Variants in UBE2O observed in about 807,000 individuals in gnomAD.
UBE2O encodes (E3-independent) E2 ubiquitin-conjugating enzyme.
Under a neutral mutation model 125.8 loss-of-function variants are expected in UBE2O, and 15 were observed. The ratio of observed to expected loss-of-function variants is 0.12; its 90% CI spans 0.08 to 0.18. UBE2O has a LOEUF of 0.18. Among genes scored for constraint, UBE2O ranks in the 10% least tolerant of loss-of-function variants. UBE2O has a pLI of 1.00. For synonymous variants in UBE2O, 708 were observed against 703.2 expected, an observed-to-expected ratio of 1.01 and a Z score of -0.11; for missense variants, 1,280 against 1,723.6, an observed-to-expected ratio of 0.74 and a Z score of 4.56.
At chr17:76,422,948 A>G (rs905997755) in intron 1 of UBE2O, among the ~76,000 whole-genome samples, 3 of 152,242 alleles carry the variant, frequency 2.0e-5, no homozygotes, top group Non-Finnish European at 4.4e-5. Flanking sequence ...ATTGGGAACA[A>G]GTGTCAAGAA....
At chr17:76,441,654 C>T (rs865845508) in intron 1 of UBE2O, among the ~76,000 whole-genome samples, 15 of 152,186 alleles carry the variant, frequency 9.9e-5, no homozygotes, top group South Asian at 6.2e-4. Flanking sequence ...TTGTTAGACA[C>T]GCAGATTCTT....
Position 76,400,076 on chromosome 17 carries a change from C to A in UBE2O, c.1155+71G>T. On this transcript the variant is annotated intron_variant, in intron 8 of 17. Transcript: ENST00000319380. The surrounding 1 kb of genome is among the most constrained non-coding windows in gnomAD (Gnocchi z 4.3). ...CCCAAGGCCTAAAGCACAGACTGTC[C>A]TTCTTGGCCATGGAAATGGCTCAAG... is the stretch of plus-strand genomic sequence containing the variant. 5 of 1,568,844 alleles carry A rather than the reference C, an allele frequency of 3.2e-6. 1 individual carries two copies. The South Asian group carries it at 4.8e-5, about 15-fold the overall frequency.
chr17:76,421,706 G>C (rs1303034741), intron 1 of UBE2O, among the ~76,000 whole-genome samples: 5 of 152,174 alleles, frequency 3.3e-5, no homozygotes, highest in Admixed American at 3.3e-4. Context: ...GGAGTAATTA[G>C]CACCATTTGA....
chr17:76,397,928 A>G (rs536909261), intron 12 of UBE2O, 40 bp from the exon 13 acceptor site: 3 of 1,602,874 alleles, frequency 1.9e-6, no homozygotes, highest in African/African-American at 1.3e-5. Flanking sequence ...GCCCAGCTCA[A>G]GCTCCAGCTC....
chr17:76,415,421 T>C (rs941522628), intron 1 of UBE2O, among the ~76,000 whole-genome samples: 1 of 152,176 alleles, frequency 6.6e-6, no homozygotes, highest in African/African-American at 2.4e-5. Context: ...AGCCTTTGTT[T>C]TGCTCACCTG....
intron 1 of UBE2O, among the ~76,000 whole-genome samples, chr17:76,407,960 G>C (rs1274606833): frequency 1.3e-5 from 2 of 152,222 alleles, no homozygotes; most frequent in Non-Finnish European, 2.9e-5. Context: ...CTGGGGGATG[G>C]TAACATGGTG....
chr17:76,415,799 GT>G (rs2072592261), intron 1 of UBE2O, among the ~76,000 whole-genome samples: 1 of 149,594 alleles, frequency 6.7e-6, no homozygotes, highest in Non-Finnish European at 1.5e-5. Context: ...GCAAGACTGT[GT>G]GTGTGTGTGT....
chr17:76,435,415 CAT>C (rs1190603804), intron 1 of UBE2O, among the ~76,000 whole-genome samples: 682 of 36,384 alleles, frequency 0.019, 2 homozygotes, highest in African/African-American at 0.025. Flanking sequence ...CACACACACA[CAT>C]ACACACACAC....
chr17:76,402,243 C>T lies in UBE2O; in HGVS notation c.687-116G>A. On this transcript the variant is annotated intron_variant, in intron 4 of 17. Coordinates refer to ENST00000319380, the MANE Select transcript of UBE2O (RefSeq NM_022066.4). The surrounding 1 kb of genome is among the most constrained non-coding windows in gnomAD (Gnocchi z 5.4). ...CCTAAATAGCACAATTCGTCTTCTA[C>T]CATCAACTCAGCCCGAGGTAGTACA... is the stretch of plus-strand genomic sequence containing the variant. 2 of 917,918 alleles carry T rather than the reference C, an allele frequency of 2.2e-6. No individual in the cohort carries two copies. Among genetic ancestry groups the T allele is most frequent in the South Asian group, 1.6e-5 (1 of 62,456 alleles). 56.9% of individuals were successfully genotyped at this position (917,918 alleles called of 1,614,324 possible). A position where few individuals can be genotyped will look rare whatever the true frequency, so the allele number is the denominator to read the frequency against.
rs183799207 is a variant in UBE2O at position 76,402,834 on chromosome 17, T to C, written c.589-135A>G. The C allele has an allele frequency of 2.6e-5, 19 of 727,204 alleles. No individual in the cohort carries two copies. The East Asian group carries it at 3.4e-4, about 13-fold the overall frequency. 45.0% of individuals were successfully genotyped at this position (727,204 alleles called of 1,614,324 possible). A position where few individuals can be genotyped will look rare whatever the true frequency, so the allele number is the denominator to read the frequency against. On this transcript the variant is annotated intron_variant, in intron 3 of 17. Coordinates refer to ENST00000319380, the MANE Select transcript of UBE2O (RefSeq NM_022066.4). The surrounding 1 kb of genome is among the most constrained non-coding windows in gnomAD (Gnocchi z 5.4). ...CTCACTGACTGGACCGGTTGGCTAC[T>C]AGCCCTAAACAGCTGCTGCAGCAGG...
In UBE2O at chr17:76,395,107, C is replaced by T. The variant is rs2072181851; in HGVS notation, c.2946+618G>A. Among the ~76,000 whole-genome samples the T allele has an allele frequency of 6.6e-6, 1 of 152,108 alleles. No individual in the cohort carries two copies. The highest frequency in any genetic ancestry group is 1.5e-5 in the Non-Finnish European group (1 of 68,010). The stretch of plus-strand genomic sequence containing the variant: ...GTCAGGCTGGTCTCAAACTTCTGAC[C>T]TCAGGTGATCCACCTGCCTCGGCTT... On this transcript the variant is annotated intron_variant, in intron 15 of 17. Transcript: ENST00000319380. This position sits in a 1 kb window ranked among gnomAD's most constrained non-coding sequence, Gnocchi z 5.0.
chr17:76,435,401 TACACACACACACACATACACAC>T (rs1299038412), intron 1 of UBE2O, among the ~76,000 whole-genome samples: 22 of 96,848 alleles, frequency 2.3e-4, no homozygotes, highest in South Asian at 1.7e-3. Context: ...AATATACAGA[TACACACACACACACATACACAC>T]ACACACACAC....
chr17:76,414,995 A>G (rs532678351), intron 1 of UBE2O, among the ~76,000 whole-genome samples: 1 of 152,336 alleles, frequency 6.6e-6, no homozygotes, highest in South Asian at 2.1e-4. Context: ...AGAAGGCAGA[A>G]AAGTGATCAG....
rs1286018936 is a variant in UBE2O at position 76,419,657 on chromosome 17, G to A, written c.418-14085C>T. 2.6e-5 allele frequency among the ~76,000 whole-genome samples: 4 copies of A among 152,192 alleles called. No homozygotes were observed. In the East Asian group the frequency reaches 7.7e-4, roughly 29 times the overall value. On this transcript the variant is annotated intron_variant, in intron 1 of 17. Coordinates refer to ENST00000319380, the MANE Select transcript of UBE2O (RefSeq NM_022066.4). ...CCCAGCCTGGGCCAGTTTCCATGCTGACAAGAACAAGGCCCCGGGCCAGTT... is the reference window on the plus strand; with the variant it reads ...CCCAGCCTGGGCCAGTTTCCATGCTAACAAGAACAAGGCCCCGGGCCAGTT...
intron 15 of UBE2O, among the ~76,000 whole-genome samples, chr17:76,392,640 C>T (rs1303327096): frequency 6.6e-6 from 1 of 151,796 alleles, no homozygotes; most frequent in Admixed American, 6.6e-5. Context: ...GGTGTTTTTC[C>T]TCATAAATCA....
chr17:76,396,847 G>A lies in UBE2O; in HGVS notation c.2116-26C>T. On this transcript the variant is annotated intron_variant, in intron 13 of 17. Transcript: ENST00000319380. This position sits in a 1 kb window ranked among gnomAD's most constrained non-coding sequence, Gnocchi z 6.7. ...CTGGGGGCAGAAGGGAAGTGCCAGG[G>A]TAAGCAGACAGGAAGTCACCTCCCC... 6.5e-7 allele frequency: 1 copy of A among 1,549,878 alleles called. No individual in the cohort carries two copies. Among genetic ancestry groups the A allele is most frequent in the East Asian group, 2.3e-5 (1 of 44,212 alleles).
chr17:76,447,290 G>A (rs1003152576), intron 1 of UBE2O, among the ~76,000 whole-genome samples: 2 of 152,182 alleles, frequency 1.3e-5, no homozygotes, highest in Non-Finnish European at 2.9e-5. Flanking sequence ...CCTCCACTTA[G>A]AAGTGTGACA....
At chr17:76,443,381 T>C (rs907894805) in intron 1 of UBE2O, among the ~76,000 whole-genome samples, 1 of 152,068 alleles carries the variant, frequency 6.6e-6, no homozygotes, top group Non-Finnish European at 1.5e-5. Context: ...CTCTGCCTCC[T>C]GGGTTCAAGC....
chr17:76,401,769 G>A (rs1473204887), intron 5 of UBE2O: 1 of 229,630 alleles, frequency 4.4e-6, no homozygotes, highest in Non-Finnish European at 8.4e-6. Context: ...CCAGCTACTC[G>A]GGAGGCTGAG....
Sources: gnomAD v4.1 joint callset for allele counts (sites outside exome capture counted in the v4.1 genomes callset) on GRCh38, gnomAD v4.1.1 for gene constraint, Gnocchi (gnomAD v3.1) non-coding constraint, MANE v1.5 for transcripts, NCBI Gene and HGNC (gene_info 2026-07-23, HGNC 2026-07-21) for gene names.